Variants in DLGAP4 observed in about 807,000 individuals in gnomAD.
DLGAP4 encodes disks large-associated protein 4.
Under a neutral mutation model 86.9 loss-of-function variants are expected in DLGAP4, and 18 were observed. The ratio of observed to expected loss-of-function variants is 0.21; its 90% CI spans 0.14 to 0.31. The LOEUF is 0.31. Ranked by LOEUF, DLGAP4 falls within the 10% of genes least tolerant of loss-of-function variation. DLGAP4 has a pLI of 1.00. For synonymous variants in DLGAP4, 548 were observed against 574.3 expected (o/e 0.95, Z 0.65); for missense variants, 1,085 against 1,362.6 (o/e 0.80, Z 3.21).
chr20:36,361,612 C>T (rs1334901634), intron 1 of DLGAP4, among the ~76,000 whole-genome samples: 6 of 152,016 alleles, frequency 3.9e-5, no homozygotes, highest in Non-Finnish European at 7.4e-5. Flanking sequence ...TGGTACTGGC[C>T]CGGACGGGGG....
At chr20:36,502,496 G>C (rs2036188788) in intron 10 of DLGAP4, among the ~76,000 whole-genome samples, 1 of 152,046 alleles carries the variant, frequency 6.6e-6, no homozygotes, top group South Asian at 2.1e-4. Flanking sequence ...GACTACCACA[G>C]AGTGCCACCA....
At chr20:36,330,652 A>G (rs1049431069) in intron 1 of DLGAP4, among the ~76,000 whole-genome samples, 1 of 147,668 alleles carries the variant, frequency 6.8e-6, no homozygotes, top group East Asian at 2.0e-4. Flanking sequence ...GGCTCACTGC[A>G]ACCTATGCCT....
At chr20:36,399,787 ATTAG>A (rs2032102783) in intron 2 of DLGAP4, among the ~76,000 whole-genome samples, 1 of 152,192 alleles carries the variant, frequency 6.6e-6, no homozygotes, top group African/African-American at 2.4e-5. Context: ...TGAGGTTTCC[ATTAG>A]TTATGTCTGC....
chr20:36,462,904 A>G (rs764083914), intron 7 of DLGAP4, among the ~76,000 whole-genome samples: 1 of 145,080 alleles, frequency 6.9e-6, no homozygotes, highest in Non-Finnish European at 1.5e-5. Flanking sequence ...AGGCCGGGCT[A>G]TTTTGGAGCC....
chr20:36,452,427 A>G (rs1156240694), intron 7 of DLGAP4, among the ~76,000 whole-genome samples: 2 of 151,226 alleles, frequency 1.3e-5, no homozygotes. Context: ...TGATCCTCCC[A>G]CCTTGGCCTT....
intron 7 of DLGAP4, among the ~76,000 whole-genome samples, chr20:36,482,913 C>G (rs1018104174): frequency 3.9e-5 from 6 of 152,190 alleles, no homozygotes; most frequent in African/African-American, 1.2e-4. Context: ...CTCAAGTGAT[C>G]CCCCTGCCTC....
At chr20:36,319,530 A>G (rs1199428086) in intron 1 of DLGAP4, among the ~76,000 whole-genome samples, 2 of 152,130 alleles carry the variant, frequency 1.3e-5, no homozygotes, top group African/African-American at 4.8e-5. Context: ...AGGGCAGCTC[A>G]CAGAAGGGCC....
intron 4 of DLGAP4, among the ~76,000 whole-genome samples, chr20:36,437,887 C>G (rs2033332660): frequency 6.6e-6 from 1 of 152,178 alleles, no homozygotes. Flanking sequence ...CTGCCCTTTT[C>G]TGAACCTTAG....
rs2147468113 is a variant in DLGAP4, at chr20:36,393,355, C to T, written c.-73+26080C>T. Among the ~76,000 whole-genome samples the T allele has an allele frequency of 6.6e-6, 1 of 152,168 alleles. No homozygotes were observed. Among genetic ancestry groups the T allele is most frequent in the East Asian group, 1.9e-4 (1 of 5,170 alleles). ...GCTCTACACTCCCTCGCTGTGTGGC[C>T]TAGGGTCTCCTCTTTGCTGGGCCTC... On this transcript the variant is annotated intron_variant, in intron 2 of 12. Coordinates refer to ENST00000339266, the MANE Select transcript of DLGAP4 (RefSeq NM_001365621.2). The surrounding 1 kb of genome is among the most constrained non-coding windows in gnomAD (Gnocchi z 4.4).
At chr20:36,509,106 C>G (rs2036545157) in intron 10 of DLGAP4, among the ~76,000 whole-genome samples, 1 of 152,176 alleles carries the variant, frequency 6.6e-6, no homozygotes, top group South Asian at 2.1e-4. Flanking sequence ...ATACTCTATT[C>G]ATTCTTCTAT....
At chr20:36,371,119 G>C (rs1193987988) in intron 2 of DLGAP4, among the ~76,000 whole-genome samples, 1 of 152,210 alleles carries the variant, frequency 6.6e-6, no homozygotes, top group Non-Finnish European at 1.5e-5. Flanking sequence ...AGAAAGCCTT[G>C]CTTGGTGCTG....
At chr20:36,467,528 G>A (rs554653309) in intron 7 of DLGAP4, among the ~76,000 whole-genome samples, 5 of 152,344 alleles carry the variant, frequency 3.3e-5, no homozygotes, top group South Asian at 4.1e-4. Flanking sequence ...AGCAGAGGTA[G>A]CACAACTGGA....
chr20:36,474,978 A>G (rs2034845102), intron 7 of DLGAP4, among the ~76,000 whole-genome samples: 1 of 152,166 alleles, frequency 6.6e-6, no homozygotes, highest in Admixed American at 6.5e-5. Context: ...AAAGGAAACA[A>G]GTAGATGCTG....
At chr20:36,437,600 A>G (rs1600528201) in intron 4 of DLGAP4, among the ~76,000 whole-genome samples, 1 of 152,174 alleles carries the variant, frequency 6.6e-6, no homozygotes, top group South Asian at 2.1e-4. Context: ...CCTGGAATTC[A>G]CCAGCCAAGC....
intron 2 of DLGAP4, among the ~76,000 whole-genome samples, chr20:36,399,813 G>A (rs538035230): frequency 3.3e-5 from 5 of 152,310 alleles, no homozygotes; most frequent in Admixed American, 1.3e-4. Flanking sequence ...ACAGGTGTAG[G>A]AAATACAGCT....
At chr20:36,345,539 G>A (rs1301465839) in intron 1 of DLGAP4, among the ~76,000 whole-genome samples, 1 of 152,216 alleles carries the variant, frequency 6.6e-6, no homozygotes, top group Non-Finnish European at 1.5e-5. Flanking sequence ...ATGGGAGAAT[G>A]ATGGCATCTG....
chr20:36,516,089 T>C (rs777937302), intron 10 of DLGAP4, among the ~76,000 whole-genome samples: 3 of 152,222 alleles, frequency 2.0e-5, no homozygotes, highest in Non-Finnish European at 4.4e-5. Context: ...GCCCACGCAC[T>C]GCTTCTGCTT....
intron 2 of DLGAP4, among the ~76,000 whole-genome samples, chr20:36,369,304 T>G (rs1275469204): frequency 1.3e-5 from 2 of 151,986 alleles, no homozygotes; most frequent in Non-Finnish European, 1.5e-5. Flanking sequence ...ATTAACATAG[T>G]AATGGCTGCC....
At chr20:36,371,421 A>T (rs1285990966) in intron 2 of DLGAP4, among the ~76,000 whole-genome samples, 2 of 152,236 alleles carry the variant, frequency 1.3e-5, no homozygotes, top group Non-Finnish European at 2.9e-5. Flanking sequence ...CCATTGGTGC[A>T]GTGAGGGAAA....
Sources: allele counts gnomAD v4.1 joint callset (sites outside exome capture counted in the v4.1 genomes callset), GRCh38; gene constraint gnomAD v4.1.1; non-coding constraint Gnocchi (gnomAD v3.1); transcripts MANE v1.5; gene names NCBI Gene and HGNC (gene_info 2026-07-23, HGNC 2026-07-21).